The following DLC1 variants were observed in gnomAD, a reference collection of about 807,000 sequenced individuals.
DLC1 encodes rho GTPase-activating protein 7.
DLC1 carries 54 observed loss-of-function variants against 140.3 expected under a neutral mutation model. That is an observed-to-expected ratio of 0.38 (90% CI 0.31 to 0.48). DLC1 has a LOEUF of 0.48. Among genes scored for constraint, DLC1 ranks in the 20% least tolerant of loss-of-function variants. The probability of loss-of-function intolerance (pLI) is 0.96; values close to 1 mark genes in which losing one functional copy is unlikely to be tolerated. For synonymous variants in DLC1, 986 were observed against 728.1 expected, an observed-to-expected ratio of 1.35 and a Z score of -5.70; for missense variants, 2,536 against 1,907.0, an observed-to-expected ratio of 1.33 and a Z score of -6.14.
chr8:13,574,565 T>C (rs1178056600), intron 1 of DLC1, among the ~76,000 whole-genome samples: 1 of 152,116 alleles, frequency 6.6e-6, no homozygotes, highest in Admixed American at 6.6e-5. Context: ...AAAATGTGTC[T>C]AGCCACTTAG....
intron 4 of DLC1, chr8:13,340,636 T>A (rs867073743): frequency 6.6e-6 from 1 of 152,242 alleles, no homozygotes; most frequent in South Asian, 2.1e-4. Flanking sequence ...CCTAATTTCC[T>A]TTCCCCTAAA....
At position 13,083,445 on chromosome 8, in the gene DLC1, A is replaced by C. The variant is rs557160938; in HGVS notation, c.*2366T>G. 1 of 152,168 alleles carries C rather than the reference A, an allele frequency of 6.6e-6. No individual in the cohort carries two copies. The allele number at this position is 152,168 out of a possible 1,614,324, so 9.4% of individuals were successfully genotyped here. ...CTGCAGGGGATTATAAAGATGTGTA[A>C]GAGACAAGCCCTGCCCTCAAAGAGC... On this transcript the variant is annotated 3_prime_UTR_variant, in exon 18 of 18. Transcript: ENST00000276297.
chr8:13,379,437 GTGCT>G (rs1836153022), intron 4 of DLC1, among the ~76,000 whole-genome samples: 1 of 152,140 alleles, frequency 6.6e-6, no homozygotes, highest in Non-Finnish European at 1.5e-5. Flanking sequence ...TGTCTTAAAT[GTGCT>G]TATAACACTT....
At chr8:13,112,292 A>T (rs1319117873) in intron 6 of DLC1, among the ~76,000 whole-genome samples, 1 of 152,208 alleles carries the variant, frequency 6.6e-6, no homozygotes, top group Non-Finnish European at 1.5e-5. Flanking sequence ...ACAACTGTTC[A>T]TTATGTTTTT....
chr8:13,295,765 T>A (rs1831918905), intron 5 of DLC1, among the ~76,000 whole-genome samples: 1 of 152,028 alleles, frequency 6.6e-6, no homozygotes, highest in South Asian at 2.1e-4. Context: ...TACATGTAAC[T>A]TTCCAAAGTA....
At chr8:13,153,351 C>T (rs74327816) in intron 5 of DLC1, among the ~76,000 whole-genome samples, 1 of 152,316 alleles carries the variant, frequency 6.6e-6, no homozygotes, top group South Asian at 2.1e-4. Flanking sequence ...CGTGAGTTTG[C>T]GATCTCACTG....
chr8:13,568,008 T>G, intron 1 of DLC1: 1 of 1,460,598 alleles, frequency 6.8e-7, no homozygotes, highest in Non-Finnish European at 9.1e-7. Flanking sequence ...CTACAGGCAC[T>G]TGGGAAACTA....
intron 5 of DLC1, among the ~76,000 whole-genome samples, chr8:13,229,878 C>A (rs1315301076): frequency 1.3e-5 from 2 of 152,274 alleles, no homozygotes; most frequent in South Asian, 2.1e-4. Flanking sequence ...CATCTTAGAC[C>A]AGATGCATTT....
chr8:13,277,539 T>C (rs1014794575), intron 5 of DLC1, among the ~76,000 whole-genome samples: 1 of 152,064 alleles, frequency 6.6e-6, no homozygotes, highest in Non-Finnish European at 1.5e-5. Flanking sequence ...TCCCCCAAAA[T>C]GTAAAAAAAG....
chr8:13,296,999 C>G (rs1438106046), intron 5 of DLC1, among the ~76,000 whole-genome samples: 4 of 150,104 alleles, frequency 2.7e-5, no homozygotes, highest in Admixed American at 6.7e-5. Context: ...TTAGCAATAG[C>G]AAAAATACCA....
chr8:13,596,815 C>T (rs1013123621), intron 1 of DLC1, among the ~76,000 whole-genome samples: 2 of 151,912 alleles, frequency 1.3e-5, no homozygotes, highest in Non-Finnish European at 2.9e-5. Flanking sequence ...TTCTTCTTAG[C>T]AAAAACACTT....
intron 5 of DLC1, among the ~76,000 whole-genome samples, chr8:13,191,544 G>A (rs756174397): frequency 1.1e-4 from 17 of 152,222 alleles, no homozygotes; most frequent in Non-Finnish European, 2.2e-4. Context: ...GGAGGAGAAA[G>A]TAAAGTATGT....
chr8:13,485,011 G>A (rs1158990963), intron 2 of DLC1, among the ~76,000 whole-genome samples: 1 of 152,150 alleles, frequency 6.6e-6, no homozygotes, highest in Admixed American at 6.6e-5. Context: ...AAAATGCTAT[G>A]TCAAGTACAG....
intron 1 of DLC1, among the ~76,000 whole-genome samples, chr8:13,541,598 G>A (rs1463437156): frequency 6.6e-6 from 1 of 152,124 alleles, no homozygotes; most frequent in Non-Finnish European, 1.5e-5. Context: ...CGCCAAGGCT[G>A]GTGTGCAGTG....
intron 2 of DLC1, among the ~76,000 whole-genome samples, chr8:13,479,250 A>G (rs1800572841): frequency 6.6e-6 from 1 of 152,226 alleles, no homozygotes; most frequent in Non-Finnish European, 1.5e-5. Context: ...TAAAAATATG[A>G]CTGCAACAAT....
At chr8:13,462,367 A>G (rs1295006759) in intron 2 of DLC1, among the ~76,000 whole-genome samples, 1 of 151,888 alleles carries the variant, frequency 6.6e-6, no homozygotes, top group African/African-American at 2.4e-5. Flanking sequence ...ATGTATCCTG[A>G]ACAAGAGGAA....
intron 4 of DLC1, among the ~76,000 whole-genome samples, chr8:13,387,423 C>T (rs1586253623): frequency 6.6e-6 from 1 of 151,866 alleles, no homozygotes; most frequent in African/African-American, 2.4e-5. Context: ...AAAGCTATCA[C>T]TAAAAATTTG....
intron 2 of DLC1, among the ~76,000 whole-genome samples, chr8:13,426,244 A>T (rs1210904983): frequency 3.9e-5 from 6 of 152,194 alleles, no homozygotes; most frequent in Admixed American, 3.9e-4. Context: ...AATTATAGTC[A>T]TTATGAATAT....
At chr8:13,504,678 G>C (rs775349714) in intron 1 of DLC1, among the ~76,000 whole-genome samples, 1 of 152,198 alleles carries the variant, frequency 6.6e-6, no homozygotes, top group Non-Finnish European at 1.5e-5. Flanking sequence ...TATCAGATTT[G>C]TCAAAAGTAA....
Sources: gnomAD v4.1 joint callset for allele counts (sites outside exome capture counted in the v4.1 genomes callset) on GRCh38, gnomAD v4.1.1 for gene constraint, MANE v1.5 for transcripts, NCBI Gene and HGNC (gene_info 2026-07-23, HGNC 2026-07-21) for gene names.